Variants in TAFA2 observed in about 807,000 individuals in gnomAD.
TAFA2 encodes chemokine-like protein TAFA-2.
A neutral mutation model predicts 18.8 loss-of-function variants in TAFA2; 7 were observed. That is an observed-to-expected ratio of 0.37 (90% CI 0.21 to 0.70). The LOEUF (loss-of-function observed/expected upper bound fraction) is 0.70. Ranked by LOEUF, TAFA2 falls within the 30% of genes least tolerant of loss-of-function variation. The pLI, the probability that TAFA2 is intolerant of heterozygous loss-of-function variation, is 0.53. For missense variants in TAFA2, 122 were observed against 158.1 expected (o/e 0.77, Z 1.23); for synonymous variants, 60 against 54.2 (o/e 1.11, Z -0.47).
At chr12:62,189,223 A>G (rs1223609645) in intron 1 of TAFA2, among the ~76,000 whole-genome samples, 1 of 152,210 alleles carries the variant, frequency 6.6e-6, no homozygotes, top group Non-Finnish European at 1.5e-5. Context: ...GAATAAAACA[A>G]CACACTAAAG....
intron 1 of TAFA2, among the ~76,000 whole-genome samples, chr12:62,232,246 T>C (rs2062814754): frequency 6.6e-6 from 1 of 152,082 alleles, no homozygotes; most frequent in Non-Finnish European, 1.5e-5. Flanking sequence ...TTCCTACTTC[T>C]CCTTACCTCC....
chr12:61,789,189 T>C (rs1870869431), intron 2 of TAFA2, among the ~76,000 whole-genome samples: 1 of 151,928 alleles, frequency 6.6e-6, no homozygotes. Context: ...GCCATTGCTT[T>C]TGGTGTTTTA....
At chr12:62,001,569 T>C (rs552609163) in intron 1 of TAFA2, among the ~76,000 whole-genome samples, 2 of 152,200 alleles carry the variant, frequency 1.3e-5, no homozygotes, top group African/African-American at 4.8e-5. Context: ...CAGTAGGGTT[T>C]GTGCTCCTAT....
chr12:61,997,483 A>G (rs1880236159), intron 1 of TAFA2, among the ~76,000 whole-genome samples: 1 of 152,192 alleles, frequency 6.6e-6, no homozygotes, highest in African/African-American at 2.4e-5. Flanking sequence ...AGAGAGGCCC[A>G]GTGGCTCTTA....
At chr12:62,196,325 G>A (rs904703217), upstream of TAFA2, among the ~76,000 whole-genome samples, 4 of 152,176 alleles carry the variant, frequency 2.6e-5, no homozygotes, top group African/African-American at 4.8e-5. Flanking sequence ...GTGTTCACTG[G>A]AGCAGCACTT....
intron 1 of TAFA2, among the ~76,000 whole-genome samples, chr12:62,217,770 C>G (rs189698475): frequency 6.6e-6 from 1 of 152,268 alleles, no homozygotes; most frequent in Admixed American, 6.5e-5. Context: ...AGATATCGAT[C>G]CCAAGGACAT....
chr12:61,891,685 G>T (rs1031636994), intron 1 of TAFA2, among the ~76,000 whole-genome samples: 8 of 151,898 alleles, frequency 5.3e-5, no homozygotes, highest in African/African-American at 1.5e-4. Context: ...GGTAGAGTAG[G>T]AGGAGGAGAA....
At chr12:62,139,158 G>C (rs1192711230) in intron 1 of TAFA2, among the ~76,000 whole-genome samples, 1 of 152,208 alleles carries the variant, frequency 6.6e-6, no homozygotes, top group African/African-American at 2.4e-5. Context: ...CTGCTAAAAG[G>C]TGTGTTAGGG....
intron 2 of TAFA2, among the ~76,000 whole-genome samples, chr12:61,821,926 C>T (rs1872337528): frequency 6.6e-6 from 1 of 151,928 alleles, no homozygotes; most frequent in African/African-American, 2.4e-5. Context: ...CTGGAGTAAA[C>T]TGAAATAATT....
chr12:62,166,569 C>T (rs2062441663), intron 1 of TAFA2, among the ~76,000 whole-genome samples: 1 of 152,056 alleles, frequency 6.6e-6, no homozygotes, highest in South Asian at 2.1e-4. Flanking sequence ...TTTTCCCTTT[C>T]CCCTCTGTTT....
At chr12:62,044,839 A>C (rs1881868090) in intron 1 of TAFA2, among the ~76,000 whole-genome samples, 1 of 152,160 alleles carries the variant, frequency 6.6e-6, no homozygotes, top group Non-Finnish European at 1.5e-5. Flanking sequence ...GCAAACGATC[A>C]ATCTCCTGCA....
chr12:62,203,081 C>A (rs1262711712), intron 1 of TAFA2, among the ~76,000 whole-genome samples: 2 of 152,092 alleles, frequency 1.3e-5, no homozygotes, highest in Non-Finnish European at 2.9e-5. Flanking sequence ...CCCACCTCAG[C>A]CTCCCAAAGT....
intron 1 of TAFA2, among the ~76,000 whole-genome samples, chr12:62,161,823 C>T (rs963802489): frequency 4.6e-5 from 7 of 152,118 alleles, no homozygotes; most frequent in African/African-American, 7.2e-5. Context: ...ATATACCACA[C>T]ATGTATTTCA....
intron 2 of TAFA2, among the ~76,000 whole-genome samples, chr12:61,847,773 T>C (rs1873467169): frequency 6.6e-6 from 1 of 152,182 alleles, no homozygotes; most frequent in Admixed American, 6.5e-5. Context: ...CGTGTCTTTG[T>C]CAGGAAAAAA....
intron 1 of TAFA2, among the ~76,000 whole-genome samples, chr12:61,899,511 G>A (rs577220920): frequency 1.3e-5 from 2 of 152,014 alleles, no homozygotes; most frequent in African/African-American, 4.8e-5. Flanking sequence ...GAGGAGAGAG[G>A]GTGAAAACAA....
In TAFA2 at chr12:61,810,087, G is replaced by A. The variant is rs1027484229; in HGVS notation, c.107-55063C>T. On this transcript the variant is annotated intron_variant, in intron 2 of 4. Transcript: ENST00000416284. ...CCATCTGAATGAAGTCTTCCCTTGT[G>A]TAAAAATAAATACAAGTTTCCTGTT... is the stretch of plus-strand genomic sequence containing the variant. Among the ~76,000 whole-genome samples, 26 of 151,356 alleles carry A rather than the reference G, an allele frequency of 1.7e-4. 2 individuals carry two copies. The highest frequency in any genetic ancestry group is 6.1e-4 in the African/African-American group (25 of 40,684).
intron 1 of TAFA2, among the ~76,000 whole-genome samples, chr12:62,210,694 G>T (rs927769708): frequency 2.0e-5 from 3 of 152,142 alleles, no homozygotes; most frequent in African/African-American, 7.2e-5. Context: ...ACATGAAAAT[G>T]AGCAGCCAAA....
At chr12:62,164,290 C>T (rs1377679044) in intron 1 of TAFA2, among the ~76,000 whole-genome samples, 2 of 152,140 alleles carry the variant, frequency 1.3e-5, no homozygotes, top group Non-Finnish European at 2.9e-5. Flanking sequence ...AACATGAGAA[C>T]ATCTATCTTG....
chr12:62,212,385 G>C (rs1156317208), intron 1 of TAFA2, among the ~76,000 whole-genome samples: 1 of 152,144 alleles, frequency 6.6e-6, no homozygotes, highest in Non-Finnish European at 1.5e-5. Flanking sequence ...TACTTCTTCA[G>C]GTTTTGCCCT....
Sources: gnomAD v4.1 joint callset for allele counts (sites outside exome capture counted in the v4.1 genomes callset) on GRCh38, gnomAD v4.1.1 for gene constraint, MANE v1.5 for transcripts, NCBI Gene and HGNC (gene_info 2026-07-23, HGNC 2026-07-21) for gene names.